Variants in ANO10 observed in about 807,000 individuals in gnomAD.
ANO10 encodes anoctamin 10, also known as anoctamin-10.
In ANO10, 77 loss-of-function variants were observed where a neutral mutation model predicts 74.7. The observed-to-expected ratio is 1.03, with a 90% CI of 0.86 to 1.25. The LOEUF (loss-of-function observed/expected upper bound fraction) is 1.25, where lower values mean the gene tolerates loss of function less well. ANO10 is among the 50% of genes most tolerant of loss of function. ANO10 has a pLI of 0.00. For missense variants in ANO10, 721 were observed against 778.1 expected, an observed-to-expected ratio of 0.93 and a Z score of 0.87; for synonymous variants, 279 against 284.9, an observed-to-expected ratio of 0.98 and a Z score of 0.21.
rs370959345 is a variant in ANO10, at chr3:43,424,017, CAT to C, written c.1914+8592_1914+8593del. Among the ~76,000 whole-genome samples, 729 of 152,294 alleles carry C rather than the reference CAT, an allele frequency of 4.8e-3. 5 individuals carry two copies. The highest frequency in any genetic ancestry group is 0.017 in the African/African-American group (701 of 41,580). ...CCTTGCTGGGTTCACCCAGCGAATGCATGAGTTGGTCCTCCTCCTCCCTCATC... is the reference window on the plus strand; with the variant it reads ...CCTTGCTGGGTTCACCCAGCGAATGCGAGTTGGTCCTCCTCCTCCCTCATC... On this transcript the variant is annotated intron_variant, in intron 12 of 12. Coordinates refer to ENST00000292246, the MANE Select transcript of ANO10 (RefSeq NM_018075.5).
intron 11 of ANO10, among the ~76,000 whole-genome samples, chr3:43,524,081 G>A (rs955254055): frequency 6.6e-6 from 1 of 152,188 alleles, no homozygotes; most frequent in Non-Finnish European, 1.5e-5. Context: ...GGAAGCCACG[G>A]AGATGAGCAG....
At chr3:43,675,486 A>C (rs1342457832) in intron 1 of ANO10, among the ~76,000 whole-genome samples, 1 of 152,174 alleles carries the variant, frequency 6.6e-6, no homozygotes, top group East Asian at 1.9e-4. Context: ...CAAACTACAT[A>C]CCTGACAAAG....
At chr3:43,513,863 G>A (rs1180071319) in intron 11 of ANO10, among the ~76,000 whole-genome samples, 1 of 151,550 alleles carries the variant, frequency 6.6e-6, no homozygotes, top group Non-Finnish European at 1.5e-5. Flanking sequence ...TGACAGATCA[G>A]GCAAATAAAT....
intron 12 of ANO10, among the ~76,000 whole-genome samples, chr3:43,397,656 A>G (rs1323277705): frequency 6.6e-6 from 1 of 152,190 alleles, no homozygotes; most frequent in Non-Finnish European, 1.5e-5. Flanking sequence ...AGCCTCAGAG[A>G]GCTTCCTCAA....
chr3:43,534,460 G>A (rs2078609748), intron 11 of ANO10, among the ~76,000 whole-genome samples: 1 of 151,946 alleles, frequency 6.6e-6, no homozygotes, highest in Non-Finnish European at 1.5e-5. Flanking sequence ...GTGTGTGCAT[G>A]TGAACGTGCG....
chr3:43,407,164 A>C (rs2092590488), intron 12 of ANO10, among the ~76,000 whole-genome samples: 1 of 152,144 alleles, frequency 6.6e-6, no homozygotes, highest in Admixed American at 6.5e-5. Flanking sequence ...TCGGCCTCCT[A>C]AAGTGCTGGG....
chr3:43,391,624 C>T (rs1003643181), intron 12 of ANO10, among the ~76,000 whole-genome samples: 1 of 152,174 alleles, frequency 6.6e-6, no homozygotes, highest in Non-Finnish European at 1.5e-5. Flanking sequence ...TTTACAGAGG[C>T]TATGGTTTCC....
At chr3:43,589,090 T>C (rs1186583458) in intron 4 of ANO10, among the ~76,000 whole-genome samples, 5 of 152,092 alleles carry the variant, frequency 3.3e-5, no homozygotes, top group Non-Finnish European at 7.4e-5. Flanking sequence ...TAATGAAATA[T>C]TAAATGGAAG....
At chr3:43,549,617 A>G (rs1203928091) in intron 11 of ANO10, 103 bp downstream of exon 11, 3 of 1,321,872 alleles carry the variant, frequency 2.3e-6, no homozygotes, top group South Asian at 2.4e-5. Flanking sequence ...CAGTAAATCC[A>G]TATTGCTCAA....
In ANO10 at chr3:43,366,264, G is replaced by A. The variant is rs900368237; in HGVS notation, c.*642C>T. On this transcript the variant is annotated 3_prime_UTR_variant, in exon 13 of 13. Coordinates refer to ENST00000292246, the MANE Select transcript of ANO10 (RefSeq NM_018075.5). ...CTCACCCTGGGCTCCTGATCTCACCGCTCCACCTTCAGTGACCTCACCAAG... is the reference window on the plus strand; with the variant it reads ...CTCACCCTGGGCTCCTGATCTCACCACTCCACCTTCAGTGACCTCACCAAG... The A allele has an allele frequency of 3.8e-5, 6 of 157,212 alleles. 1 individual carries two copies. In the East Asian group the frequency reaches 5.6e-4, roughly 15 times the overall value. 9.7% of individuals were successfully genotyped at this position (157,212 alleles called of 1,614,324 possible). A position where few individuals can be genotyped will look rare whatever the true frequency, so the allele number is the denominator to read the frequency against.
At chr3:43,588,504 A>T (rs2081579111) in intron 4 of ANO10, among the ~76,000 whole-genome samples, 1 of 152,048 alleles carries the variant, frequency 6.6e-6, no homozygotes, top group Non-Finnish European at 1.5e-5. Flanking sequence ...ACATAGCACA[A>T]AATATGTCAT....
chr3:43,455,572 G>A (rs924538274), intron 11 of ANO10, among the ~76,000 whole-genome samples: 5 of 152,144 alleles, frequency 3.3e-5, no homozygotes, highest in African/African-American at 9.7e-5. Context: ...CAACTAGTTA[G>A]CAGGATAGGA....
At chr3:43,672,284 G>A (rs2084068988) in intron 1 of ANO10, among the ~76,000 whole-genome samples, 1 of 152,166 alleles carries the variant, frequency 6.6e-6, no homozygotes, top group Admixed American at 6.5e-5. Flanking sequence ...AGCACTTTGG[G>A]AGGCCAAGGT....
At chr3:43,659,409 G>A (rs1334496758) in intron 1 of ANO10, among the ~76,000 whole-genome samples, 1 of 152,128 alleles carries the variant, frequency 6.6e-6, no homozygotes, top group Admixed American at 6.5e-5. Flanking sequence ...ATCCCCTCCC[G>A]TGCCTGGCTC....
intron 4 of ANO10, among the ~76,000 whole-genome samples, chr3:43,584,780 A>G (rs1394680147): frequency 6.6e-6 from 1 of 152,194 alleles, no homozygotes; most frequent in African/African-American, 2.4e-5. Flanking sequence ...GCGTTCTATC[A>G]AAACACAACA....
At chr3:43,512,580 T>C (rs1471192861) in intron 11 of ANO10, among the ~76,000 whole-genome samples, 4 of 152,102 alleles carry the variant, frequency 2.6e-5, no homozygotes, top group Non-Finnish European at 5.9e-5. Flanking sequence ...CGTTTTGCAG[T>C]GGTGTGAACA....
intron 4 of ANO10, among the ~76,000 whole-genome samples, chr3:43,581,977 C>T (rs1466082330): frequency 6.6e-6 from 1 of 151,318 alleles, no homozygotes; most frequent in Non-Finnish European, 1.5e-5. Flanking sequence ...AGAAAGGATG[C>T]TTTGCTGTTT....
chr3:43,664,331 C>A (rs1347457660), intron 1 of ANO10, among the ~76,000 whole-genome samples: 1 of 152,020 alleles, frequency 6.6e-6, no homozygotes, highest in East Asian at 1.9e-4. Flanking sequence ...TAGCCATATG[C>A]AGAAAACTGA....
At chr3:43,368,702 C>G (rs116896819) in intron 12 of ANO10, among the ~76,000 whole-genome samples, 1 of 127,926 alleles carries the variant, frequency 7.8e-6, no homozygotes, top group East Asian at 2.3e-4. Context: ...TTTTTTTTTT[C>G]AAGAGCCAGG....
Sources: allele counts gnomAD v4.1 joint callset (sites outside exome capture counted in the v4.1 genomes callset), GRCh38; gene constraint gnomAD v4.1.1; transcripts MANE v1.5; gene names NCBI Gene and HGNC (gene_info 2026-07-23, HGNC 2026-07-21).